The following CSMD1 variants were observed in gnomAD, a reference collection of about 807,000 sequenced individuals.
CSMD1 encodes the protein CUB and Sushi multiple domains 1.
A neutral mutation model predicts 417.5 loss-of-function variants in CSMD1; 213 were observed. That is an observed-to-expected ratio of 0.51 (90% CI 0.46 to 0.57). The LOEUF is 0.57. Ranked by LOEUF, CSMD1 falls within the 20% of genes least tolerant of loss-of-function variation. The pLI, the probability that CSMD1 is intolerant of heterozygous loss-of-function variation, is 0.00. For synonymous variants in CSMD1, 2,862 were observed against 1,736.8 expected (o/e 1.65, Z -16.11); for missense variants, 6,923 against 4,529.7 (o/e 1.53, Z -15.17).
intron 3 of CSMD1, among the ~76,000 whole-genome samples, chr8:4,260,901 G>C (rs756726074): frequency 6.6e-6 from 1 of 152,076 alleles, no homozygotes; most frequent in Non-Finnish European, 1.5e-5. Context: ...ATTATGATAG[G>C]AACACCACGG....
At chr8:3,294,642 G>T (rs540899776) in intron 25 of CSMD1, among the ~76,000 whole-genome samples, 11 of 152,308 alleles carry the variant, frequency 7.2e-5, no homozygotes, top group Admixed American at 2.0e-4. Context: ...TAATCTCCTG[G>T]TGTGCCGTTT....
intron 6 of CSMD1, among the ~76,000 whole-genome samples, chr8:3,746,576 A>G (rs1201959261): frequency 6.6e-6 from 1 of 152,226 alleles, no homozygotes; most frequent in Non-Finnish European, 1.5e-5. Flanking sequence ...CATGTATTCC[A>G]TTAGTCTGCG....
intron 11 of CSMD1, among the ~76,000 whole-genome samples, chr8:3,491,890 G>T (rs1818399816): frequency 6.6e-6 from 1 of 152,182 alleles, no homozygotes; most frequent in African/African-American, 2.4e-5. Flanking sequence ...GTTAGAAAGA[G>T]ACAGAATGAG....
intron 5 of CSMD1, among the ~76,000 whole-genome samples, chr8:3,989,078 G>C (rs1403005205): frequency 6.6e-6 from 1 of 152,132 alleles, no homozygotes; most frequent in Non-Finnish European, 1.5e-5. Context: ...AACTCTCTAT[G>C]GCACTGTTTC....
chr8:3,791,769 G>A (rs1799754734), intron 5 of CSMD1, among the ~76,000 whole-genome samples: 1 of 152,140 alleles, frequency 6.6e-6, no homozygotes, highest in Non-Finnish European at 1.5e-5. Context: ...GTTGCAGTGA[G>A]CCGACGTCGC....
At chr8:4,421,965 A>C (rs566844725) in intron 2 of CSMD1, among the ~76,000 whole-genome samples, 1 of 152,058 alleles carries the variant, frequency 6.6e-6, no homozygotes, top group African/African-American at 2.4e-5. Flanking sequence ...TAAACATCAA[A>C]TATTACTATG....
intron 26 of CSMD1, among the ~76,000 whole-genome samples, chr8:3,249,734 C>G (rs534574066): frequency 3.0e-5 from 4 of 134,690 alleles, no homozygotes; most frequent in Non-Finnish European, 6.4e-5. Context: ...CTCCAAGAAG[C>G]AAGAGAATGT....
At chr8:4,088,478 T>G (rs752471696) in intron 3 of CSMD1, among the ~76,000 whole-genome samples, 1 of 152,202 alleles carries the variant, frequency 6.6e-6, no homozygotes, top group African/African-American at 2.4e-5. Context: ...ACATCTCTCT[T>G]CACTGGTTAT....
intron 68 of CSMD1, among the ~76,000 whole-genome samples, chr8:2,944,132 C>T (rs536410677): frequency 6.6e-6 from 1 of 152,158 alleles, no homozygotes; most frequent in South Asian, 2.1e-4. Context: ...AGATCTGCCC[C>T]ACCATCACGC....
At chr8:3,692,241 C>G (rs143769538) in intron 7 of CSMD1, among the ~76,000 whole-genome samples, 2,722 of 152,238 alleles carry the variant, frequency 0.018, 30 homozygotes, top group Non-Finnish European at 0.025. Context: ...TCCTTCACAG[C>G]CCCCTTAGTC....
At position 3,284,256 on chromosome 8, in the gene CSMD1, C is replaced by G; in HGVS notation, c.4041G>C (p.Glu1347Asp). 6.2e-7 allele frequency: 1 copy of G among 1,613,918 alleles called. No individual in the cohort carries two copies. Among genetic ancestry groups the G allele is most frequent in the South Asian group, 1.1e-5 (1 of 91,054 alleles). The change falls in exon 26 of 70, where the codon GAG (glutamate) becomes GAC (aspartate). Residue 1347 changes from glutamate (E) to aspartate (D), a missense_variant. By Grantham distance (45) the Glu-to-Asp change is conservative. Transcript: ENST00000635120. The stretch of plus-strand genomic sequence containing the variant: ...CCTCCGGAAGGGCGGAGCCACTCCA[C>G]TCCTTCAGCAGGATGTCACTGTCCA... ...GPVDSDILLK[E>D]WSGSALPEDI...
At chr8:3,954,469 C>T (rs561413431) in intron 5 of CSMD1, among the ~76,000 whole-genome samples, 11 of 152,238 alleles carry the variant, frequency 7.2e-5, no homozygotes, top group Non-Finnish European at 1.5e-4. Context: ...CGGGTTCAGG[C>T]GATTCTGCTG....
intron 2 of CSMD1, among the ~76,000 whole-genome samples, chr8:4,608,467 G>A (rs148586340): frequency 6.6e-6 from 1 of 152,180 alleles, no homozygotes; most frequent in Non-Finnish European, 1.5e-5. Context: ...TGGAGGAGGA[G>A]AGACAGAGTG....
chr8:4,185,453 C>T (rs1319879500), intron 3 of CSMD1, among the ~76,000 whole-genome samples: 1 of 152,068 alleles, frequency 6.6e-6, no homozygotes, highest in Non-Finnish European at 1.5e-5. Context: ...ATTTTAAAAA[C>T]AGCATACACC....
intron 1 of CSMD1, among the ~76,000 whole-genome samples, chr8:4,942,028 C>G (rs5004554): frequency 0.51 from 77,441 of 152,102 alleles, 21,079 homozygotes; most frequent in East Asian, 0.79. Context: ...CAAAATTACC[C>G]TGGGTAAATG....
intron 1 of CSMD1, among the ~76,000 whole-genome samples, chr8:4,966,423 G>T (rs940581030): frequency 6.6e-6 from 1 of 151,938 alleles, no homozygotes; most frequent in Non-Finnish European, 1.5e-5. Flanking sequence ...ACTATCTCCC[G>T]GTATTTGGAA....
At chr8:4,293,916 C>A (rs977955315) in intron 3 of CSMD1, among the ~76,000 whole-genome samples, 2 of 151,846 alleles carry the variant, frequency 1.3e-5, no homozygotes, top group African/African-American at 4.8e-5. Context: ...CTATTAGTGT[C>A]TACTGTAGAG....
chr8:4,220,953 G>C (rs557885370), intron 3 of CSMD1, among the ~76,000 whole-genome samples: 2 of 152,280 alleles, frequency 1.3e-5, no homozygotes, highest in South Asian at 4.1e-4. Context: ...CCACACGGTT[G>C]AGTGCGCAGG....
At chr8:4,107,254 A>T (rs1801615551) in intron 3 of CSMD1, among the ~76,000 whole-genome samples, 2 of 152,136 alleles carry the variant, frequency 1.3e-5, no homozygotes, top group South Asian at 2.1e-4. Context: ...ACCCAGTTCC[A>T]GCTGATTCAA....
Sources: allele counts gnomAD v4.1 joint callset (sites outside exome capture counted in the v4.1 genomes callset), GRCh38; gene constraint gnomAD v4.1.1; transcripts MANE v1.5; gene names NCBI Gene and HGNC (gene_info 2026-07-23, HGNC 2026-07-21).